The following PRKD1 variants were observed in gnomAD, a reference collection of about 807,000 sequenced individuals.
The protein encoded by PRKD1 is protein kinase D1.
A neutral mutation model predicts 95.9 loss-of-function variants in PRKD1; 63 were observed. That is an observed-to-expected ratio of 0.66 (90% CI 0.54 to 0.81). The LOEUF (loss-of-function observed/expected upper bound fraction) is 0.81. PRKD1 is among the 30% of genes least tolerant of loss of function. The probability of loss-of-function intolerance (pLI) is 0.00; values close to 1 mark genes in which losing one functional copy is unlikely to be tolerated. For missense variants in PRKD1, 1,048 were observed against 1,165.3 expected, an observed-to-expected ratio of 0.90 and a Z score of 1.47; for synonymous variants, 425 against 423.1, an observed-to-expected ratio of 1.00 and a Z score of -0.05.
chr14:29,885,531 T>C (rs1219630566), intron 1 of PRKD1, among the ~76,000 whole-genome samples: 3 of 152,084 alleles, frequency 2.0e-5, no homozygotes, highest in Admixed American at 1.3e-4. Flanking sequence ...ATGGCAATTT[T>C]AGATATTTAT....
At chr14:29,780,241 G>A (rs1289088942) in intron 1 of PRKD1, among the ~76,000 whole-genome samples, 1 of 152,138 alleles carries the variant, frequency 6.6e-6, no homozygotes, top group African/African-American at 2.4e-5. Context: ...AGGACTTCAT[G>A]ACTAAAACAC....
intron 1 of PRKD1, among the ~76,000 whole-genome samples, chr14:29,820,330 G>C (rs892050702): frequency 2.0e-5 from 3 of 152,232 alleles, no homozygotes; most frequent in African/African-American, 4.8e-5. Flanking sequence ...AGGCTAAGCA[G>C]AAAAAAGCAC....
At chr14:29,672,007 T>A (rs1184005148) in intron 2 of PRKD1, among the ~76,000 whole-genome samples, 3 of 152,190 alleles carry the variant, frequency 2.0e-5, no homozygotes, top group African/African-American at 7.2e-5. Context: ...ATATTTAAAA[T>A]ATTGTAAGTC....
At chr14:29,606,299 C>A (rs1489364906) in intron 13 of PRKD1, among the ~76,000 whole-genome samples, 1 of 152,160 alleles carries the variant, frequency 6.6e-6, no homozygotes, top group East Asian at 1.9e-4. Flanking sequence ...AGGCATGAGC[C>A]ACCACACCTG....
chr14:29,613,261 A>C (rs8011994), intron 13 of PRKD1, among the ~76,000 whole-genome samples: 79,904 of 152,070 alleles, frequency 0.53, 21,756 homozygotes, highest in East Asian at 0.68. Context: ...TAATTGACTT[A>C]TTTGTGATTT....
chr14:29,772,124 G>A (rs1888536756), intron 1 of PRKD1, among the ~76,000 whole-genome samples: 2 of 152,186 alleles, frequency 1.3e-5, no homozygotes, highest in Admixed American at 6.5e-5. Context: ...AACAAGGTAA[G>A]CCTTTGGGGG....
At chr14:29,736,606 G>A (rs1953730) in intron 1 of PRKD1, among the ~76,000 whole-genome samples, 3 of 152,056 alleles carry the variant, frequency 2.0e-5, no homozygotes, top group African/African-American at 4.8e-5. Context: ...CTTTGTGGTC[G>A]TGAGTGCAAA....
At position 29,597,653 on chromosome 14, in the gene PRKD1, T is replaced by G; in HGVS notation, c.2272A>C (p.Lys758Gln). The G allele has an allele frequency of 6.2e-7, 1 of 1,614,062 alleles. No individual in the cohort carries two copies. The highest frequency in any genetic ancestry group is 1.1e-5 in the South Asian group (1 of 91,072). Reference sequence around the variant, plus strand: ...ATGTCTAGAGAGCGATTGTAGCCCTTGTTCCTTAGGACCTCAGGAGCCAGG... The same window carrying G: ...ATGTCTAGAGAGCGATTGTAGCCCTGGTTCCTTAGGACCTCAGGAGCCAGG... ...AYLAPEVLRNKGYNRSLDMWS... is the reference protein window; with the variant it reads ...AYLAPEVLRNQGYNRSLDMWS... The change falls in exon 16 of 18, where the codon AAG (lysine) becomes CAG (glutamine). Residue 758 changes from lysine (K) to glutamine (Q), a missense_variant. This residue lies in a region of PRKD1 where 739 missense variants were observed against 861.9 expected (regional missense o/e 0.86). Transcript: ENST00000331968.
chr14:29,665,198 G>A (rs1052633037), intron 3 of PRKD1, among the ~76,000 whole-genome samples: 1 of 152,144 alleles, frequency 6.6e-6, no homozygotes, highest in East Asian at 1.9e-4. Flanking sequence ...CACAACATAA[G>A]CAGATAGCTC....
chr14:29,617,787 C>G (rs1015671428), intron 13 of PRKD1, among the ~76,000 whole-genome samples: 2 of 152,048 alleles, frequency 1.3e-5, no homozygotes, highest in African/African-American at 4.8e-5. Flanking sequence ...TTCTAACTGG[C>G]CTGGTGCAGT....
chr14:29,727,926 C>A (rs1010761040), intron 1 of PRKD1, among the ~76,000 whole-genome samples: 3 of 151,268 alleles, frequency 2.0e-5, no homozygotes, highest in African/African-American at 7.3e-5. Flanking sequence ...AACCAAACAC[C>A]GCATATTCTC....
chr14:29,636,353 T>C lies in PRKD1; in HGVS notation c.1127A>G (p.Gln376Arg), dbSNP rs746144187. Residue 376 changes from glutamine (Q) to arginine (R), a missense_variant, in exon 7 of 18, where the codon CAG becomes CGG. Gln to Arg is a conservative substitution (Grantham distance 43). This residue lies in a region of PRKD1 where 739 missense variants were observed against 861.9 expected (regional missense o/e 0.86). Coordinates refer to ENST00000331968, the MANE Select transcript of PRKD1 (RefSeq NM_002742.3). ...ATCTTGCATCTCGCCACTGTCGTTC[T>C]GGCACTCTGCCATTGCCATCTCTGC... The part of the protein sequence containing the change: ...QDAEMAMAEC[Q>R]NDSGEMQDPD... 5.6e-6 allele frequency: 9 copies of C among 1,614,134 alleles called. No homozygotes were observed. Among genetic ancestry groups the C allele is most frequent in the Non-Finnish European group, 6.8e-6 (8 of 1,180,056 alleles).
intron 1 of PRKD1, among the ~76,000 whole-genome samples, chr14:29,738,809 C>G (rs530264533): frequency 6.6e-6 from 1 of 150,594 alleles, no homozygotes; most frequent in Non-Finnish European, 1.5e-5. Flanking sequence ...TTCTTTCTCT[C>G]TGTCTCTCTC....
chr14:29,779,631 T>C (rs1303592639), intron 1 of PRKD1, among the ~76,000 whole-genome samples: 1 of 151,952 alleles, frequency 6.6e-6, no homozygotes, highest in South Asian at 2.1e-4. Flanking sequence ...CTCAACGAAA[T>C]AAAAGAGGAC....
intron 13 of PRKD1, among the ~76,000 whole-genome samples, chr14:29,611,388 C>T (rs1316870790): frequency 6.6e-6 from 1 of 151,822 alleles, no homozygotes; most frequent in Non-Finnish European, 1.5e-5. Flanking sequence ...GCTCTAAGCC[C>T]ATCATCTGGG....
chr14:29,791,336 C>T (rs1889536129), intron 1 of PRKD1, among the ~76,000 whole-genome samples: 1 of 152,110 alleles, frequency 6.6e-6, no homozygotes, highest in Non-Finnish European at 1.5e-5. Flanking sequence ...GTAAAGTTGA[C>T]ATAAAGTACA....
intron 1 of PRKD1, among the ~76,000 whole-genome samples, chr14:29,819,916 A>G (rs1387588644): frequency 6.6e-6 from 1 of 152,184 alleles, no homozygotes; most frequent in African/African-American, 2.4e-5. Flanking sequence ...TCCATGAAGG[A>G]CACAAAAGCA....
chr14:29,850,483 TACAC>T (rs1050240111), intron 1 of PRKD1, among the ~76,000 whole-genome samples: 1 of 146,462 alleles, frequency 6.8e-6, no homozygotes, highest in Non-Finnish European at 1.5e-5. Context: ...CACACACATA[TACAC>T]ACACACACAC....
intron 1 of PRKD1, among the ~76,000 whole-genome samples, chr14:29,827,360 G>A (rs1891238789): frequency 6.6e-6 from 1 of 152,034 alleles, no homozygotes; most frequent in African/African-American, 2.4e-5. Flanking sequence ...TTTTGCAACA[G>A]CAACAGCATG....
Sources: gnomAD v4.1 joint callset for allele counts (sites outside exome capture counted in the v4.1 genomes callset) on GRCh38, gnomAD v4.1.1 for gene constraint, gnomAD v4.1.1 regional missense constraint, MANE v1.5 for transcripts, NCBI Gene and HGNC (gene_info 2026-07-23, HGNC 2026-07-21) for gene names.